Variants in DCC observed in about 807,000 individuals in gnomAD.
DCC encodes the protein DCC netrin 1 receptor.
DCC carries 58 observed loss-of-function variants against 172.5 expected under a neutral mutation model. The ratio of observed to expected loss-of-function variants is 0.34; its 90% CI spans 0.27 to 0.42. DCC has a LOEUF of 0.42. Among genes scored for constraint, DCC ranks in the 10% least tolerant of loss-of-function variants. The pLI, the probability that DCC is intolerant of heterozygous loss-of-function variation, is 1.00. For missense variants in DCC, 1,740 were observed against 1,791.0 expected, an observed-to-expected ratio of 0.97 and a Z score of 0.51; for synonymous variants, 709 against 644.5, an observed-to-expected ratio of 1.10 and a Z score of -1.52.
chr18:53,331,280 A>C (rs1273828123), intron 14 of DCC, among the ~76,000 whole-genome samples: 1 of 152,212 alleles, frequency 6.6e-6, no homozygotes, highest in East Asian at 1.9e-4. Flanking sequence ...GTTTGAATCC[A>C]CTTCAAGGAA....
chr18:53,227,349 G>A (rs78531359), intron 12 of DCC, among the ~76,000 whole-genome samples: 2 of 152,052 alleles, frequency 1.3e-5, no homozygotes, highest in Non-Finnish European at 2.9e-5. Flanking sequence ...ATGTCCACCA[G>A]CATCATACAA....
At chr18:52,611,080 T>C (rs991243080) in intron 1 of DCC, among the ~76,000 whole-genome samples, 1 of 152,224 alleles carries the variant, frequency 6.6e-6, no homozygotes, top group Admixed American at 6.5e-5. Context: ...TAATCAGTTA[T>C]GTTTTGTTTT....
intron 5 of DCC, among the ~76,000 whole-genome samples, chr18:53,003,256 A>G (rs2041594287): frequency 6.6e-6 from 1 of 152,134 alleles, no homozygotes; most frequent in South Asian, 2.1e-4. Flanking sequence ...ACCATCCTTT[A>G]ATTAAATAAC....
intron 1 of DCC, among the ~76,000 whole-genome samples, chr18:52,645,936 T>C (rs2144912786): frequency 6.6e-6 from 1 of 152,306 alleles, no homozygotes; most frequent in East Asian, 1.9e-4. Flanking sequence ...CATTTGGAGG[T>C]TAGGTGCTTA....
At chr18:52,618,752 C>T (rs749389201) in intron 1 of DCC, among the ~76,000 whole-genome samples, 1 of 152,126 alleles carries the variant, frequency 6.6e-6, no homozygotes, top group Non-Finnish European at 1.5e-5. Context: ...TTTATCAATA[C>T]CACCTATTGC....
Position 52,340,219 on chromosome 18 carries a change from A to C in DCC, c.-569A>C, listed in dbSNP as rs1983558251. On this transcript the variant is annotated 5_prime_UTR_variant, in exon 1 of 29. Transcript: ENST00000442544. Reference sequence around the variant, plus strand: ...CTCGCACACCGCTGGCGGACACCCCAGTAACAAGTGAGAGCGCTCCACCCC... The same window carrying C: ...CTCGCACACCGCTGGCGGACACCCCCGTAACAAGTGAGAGCGCTCCACCCC... 5.5e-6 allele frequency: 1 copy of C among 183,198 alleles called. No individual in the cohort carries two copies. The highest frequency in any genetic ancestry group is 1.2e-5 in the Non-Finnish European group (1 of 85,458). 11.3% of individuals were successfully genotyped at this position (183,198 alleles called of 1,614,324 possible).
intron 12 of DCC, among the ~76,000 whole-genome samples, chr18:53,225,580 G>A (rs569779448): frequency 6.6e-6 from 1 of 152,126 alleles, no homozygotes; most frequent in African/African-American, 2.4e-5. Flanking sequence ...CTGCAGAGAC[G>A]ATAAGTGTAA....
chr18:52,911,348 A>G (rs979048774), intron 3 of DCC, among the ~76,000 whole-genome samples: 10 of 152,078 alleles, frequency 6.6e-5, no homozygotes, highest in Non-Finnish European at 4.4e-5. Flanking sequence ...TTACTTTTAT[A>G]GGTCATAAGG....
intron 1 of DCC, among the ~76,000 whole-genome samples, chr18:52,431,499 A>G (rs183485290): frequency 4.6e-5 from 7 of 152,192 alleles, no homozygotes; most frequent in African/African-American, 1.4e-4. Context: ...AAGGGGAAAA[A>G]TTCTGTGGAT....
chr18:52,752,990 C>T (rs527497565), intron 2 of DCC, among the ~76,000 whole-genome samples: 60 of 146,684 alleles, frequency 4.1e-4, no homozygotes, highest in Non-Finnish European at 7.8e-4. Flanking sequence ...ATCATATATA[C>T]ACACACACAC....
intron 7 of DCC, among the ~76,000 whole-genome samples, chr18:53,135,729 T>C (rs1046023562): frequency 2.6e-5 from 4 of 152,172 alleles, no homozygotes; most frequent in African/African-American, 9.7e-5. Flanking sequence ...TGTTCAGCAA[T>C]TCAATGATGG....
chr18:52,961,182 C>T (rs970595793), intron 5 of DCC, among the ~76,000 whole-genome samples: 1 of 151,982 alleles, frequency 6.6e-6, no homozygotes, highest in Admixed American at 6.6e-5. Flanking sequence ...AGGAGATATA[C>T]CTAATGTTAA....
At chr18:52,812,019 A>G (rs1676737737) in intron 2 of DCC, among the ~76,000 whole-genome samples, 1 of 152,216 alleles carries the variant, frequency 6.6e-6, no homozygotes, top group Admixed American at 6.5e-5. Context: ...TTGGATTAGG[A>G]TTGAGAGCCA....
intron 9 of DCC, among the ~76,000 whole-genome samples, chr18:53,192,870 T>G (rs543259609): frequency 6.6e-6 from 1 of 152,322 alleles, no homozygotes; most frequent in Admixed American, 6.5e-5. Context: ...TTCCAGTGTT[T>G]CCTTTCTCAG....
chr18:52,624,381 T>A (rs2034534251), intron 1 of DCC, among the ~76,000 whole-genome samples: 7 of 152,170 alleles, frequency 4.6e-5, no homozygotes, highest in Non-Finnish European at 1.0e-4. Context: ...CTCATTACCT[T>A]CTAAGCTTCA....
At chr18:52,698,845 G>A (rs539412539) in intron 1 of DCC, among the ~76,000 whole-genome samples, 17 of 147,962 alleles carry the variant, frequency 1.1e-4, no homozygotes, top group African/African-American at 3.5e-4. Context: ...TCCTGACCTC[G>A]TGATCCACCC....
rs1026420389 is a variant in DCC at position 52,497,631 on chromosome 18, T to C, written c.91+156753T>C. Reference sequence around the variant, plus strand: ...ATTTTAGGATGAATCCCAAGAGAATTGCTATTAGTAGTAGGTGCTGCTTAT... The same window carrying C: ...ATTTTAGGATGAATCCCAAGAGAATCGCTATTAGTAGTAGGTGCTGCTTAT... On this transcript the variant is annotated intron_variant, in intron 1 of 28. Coordinates refer to ENST00000442544, the MANE Select transcript of DCC (RefSeq NM_005215.4). Among the ~76,000 whole-genome samples, 3 of 152,144 alleles carry C rather than the reference T, an allele frequency of 2.0e-5. No homozygotes were observed. In the East Asian group the frequency reaches 5.8e-4, roughly 30 times the overall value.
At chr18:53,030,027 G>A (rs1435958048) in intron 5 of DCC, among the ~76,000 whole-genome samples, 1 of 152,130 alleles carries the variant, frequency 6.6e-6, no homozygotes, top group Non-Finnish European at 1.5e-5. Context: ...ACTCTTTCTG[G>A]TTTAGATAAA....
chr18:53,081,160 A>T (rs762447807), intron 7 of DCC, among the ~76,000 whole-genome samples: 28 of 152,028 alleles, frequency 1.8e-4, no homozygotes, highest in Non-Finnish European at 3.4e-4. Flanking sequence ...GACACAGATT[A>T]GAACTGAGAA....
Sources: gnomAD v4.1 joint callset for allele counts (sites outside exome capture counted in the v4.1 genomes callset) on GRCh38, gnomAD v4.1.1 for gene constraint, MANE v1.5 for transcripts, NCBI Gene and HGNC (gene_info 2026-07-23, HGNC 2026-07-21) for gene names.